ENTPD5: variants seen among roughly 807,000 people sequenced by gnomAD.
ENTPD5 encodes nucleoside diphosphate phosphatase ENTPD5.
Under a neutral mutation model 60.2 loss-of-function variants are expected in ENTPD5, and 49 were observed. The ratio of observed to expected loss-of-function variants is 0.81; its 90% CI spans 0.65 to 1.03. The LOEUF (loss-of-function observed/expected upper bound fraction) is 1.03, where lower values mean the gene tolerates loss of function less well. Among genes scored for constraint, ENTPD5 ranks in the 50% least tolerant of loss-of-function variants. The pLI is 0.00. For synonymous variants in ENTPD5, 187 were observed against 185.4 expected (o/e 1.01, Z -0.07); for missense variants, 480 against 507.6 (o/e 0.95, Z 0.52).
At chr14:73,996,164 T>G in intron 3 of ENTPD5, 1 of 985,366 alleles carries the variant, frequency 1.0e-6, no homozygotes. Context: ...TGCCTTTTGC[T>G]CTTTGCTCCT....
intron 5 of ENTPD5, among the ~76,000 whole-genome samples, chr14:73,983,379 T>C (rs2057770332): frequency 6.6e-6 from 1 of 152,026 alleles, no homozygotes; most frequent in African/African-American, 2.4e-5. Context: ...TCCCAGAACT[T>C]TGGGAGGCCA....
At chr14:74,015,097 A>T (rs2058975146) in intron 2 of ENTPD5, among the ~76,000 whole-genome samples, 1 of 151,222 alleles carries the variant, frequency 6.6e-6, no homozygotes, top group Non-Finnish European at 1.5e-5. Context: ...AAAAAAAAAG[A>T]AAGTAACTCC....
chr14:73,997,021 AC>A (rs2058360927), intron 3 of ENTPD5, among the ~76,000 whole-genome samples: 1 of 152,196 alleles, frequency 6.6e-6, no homozygotes, highest in African/African-American at 2.4e-5. Flanking sequence ...AGAAATGCAC[AC>A]AAAGTGCTCT....
At position 73,988,157 on chromosome 14, in the gene ENTPD5, C is replaced by A; in HGVS notation, c.-55G>T. 1 of 1,553,166 alleles carries A rather than the reference C, an allele frequency of 6.4e-7. No individual in the cohort carries two copies. The highest frequency in any genetic ancestry group is 1.2e-5 in the South Asian group (1 of 83,844). On this transcript the variant is annotated 5_prime_UTR_variant, in exon 4 of 16. Coordinates refer to ENST00000334696, the MANE Select transcript of ENTPD5 (RefSeq NM_001249.5). Reference sequence around the variant, plus strand: ...CTTTTGTTGCAGAAGCAATCCTGCTCGCACACCTGCAGAGGCTTATAGGAC... The same window carrying A: ...CTTTTGTTGCAGAAGCAATCCTGCTAGCACACCTGCAGAGGCTTATAGGAC...
At chr14:73,968,135 G>C (rs1382597113) in intron 15 of ENTPD5, among the ~76,000 whole-genome samples, 4 of 151,732 alleles carry the variant, frequency 2.6e-5, no homozygotes, top group African/African-American at 9.7e-5. Context: ...AAAAGAAAAA[G>C]AAAAGAAAAA....
chr14:74,018,418 G>C (rs2059127208), intron 1 of ENTPD5: 1 of 152,126 alleles, frequency 6.6e-6, no homozygotes, highest in South Asian at 2.1e-4. Context: ...GTATAACAGA[G>C]CAGAGCTTCA....
At chr14:73,974,559 C>G (rs914040096) in intron 11 of ENTPD5, among the ~76,000 whole-genome samples, 1 of 152,160 alleles carries the variant, frequency 6.6e-6, no homozygotes, top group South Asian at 2.1e-4. Context: ...CTCTGTTGTT[C>G]CACCTGCATG....
At chr14:73,962,024 T>C (rs1428525759), downstream of ENTPD5, 2 of 1,132,286 alleles carry the variant, frequency 1.8e-6, no homozygotes, top group Non-Finnish European at 2.6e-6. Context: ...TTCCACTCAC[T>C]GCAGCCTCTG....
chr14:74,012,417 C>T (rs1347453296), intron 2 of ENTPD5, among the ~76,000 whole-genome samples: 1 of 152,106 alleles, frequency 6.6e-6, no homozygotes, highest in African/African-American at 2.4e-5. Context: ...GGGACTCATT[C>T]ATCTTTGAAC....
At chr14:73,961,631 C>T, downstream of ENTPD5, 2 of 1,601,062 alleles carry the variant, frequency 1.2e-6, no homozygotes, top group Non-Finnish European at 1.7e-6. Context: ...AAGATCAGGG[C>T]CCACAGTAGC....
intron 4 of ENTPD5, 143 bp from the exon 5 acceptor site, chr14:73,987,036 G>GC: frequency 2.7e-6 from 2 of 735,948 alleles, no homozygotes; most frequent in East Asian, 5.3e-5. Flanking sequence ...GGAATGTCTT[G>GC]CAGGAGTACT....
downstream of ENTPD5, chr14:73,960,767 C>A: frequency 2.4e-6 from 1 of 413,216 alleles, no homozygotes; most frequent in Non-Finnish European, 4.1e-6. Flanking sequence ...CAGAGAAAGA[C>A]TGGAGGAGTT....
Position 73,964,431 on chromosome 14 carries a change from T to C in ENTPD5, c.*2497A>G. ...TTGGTTACTTCTCCAGAAGGTCTAA[T>C]CAAGGTTAACAAAATAGGTAAGTTC... is the stretch of plus-strand genomic sequence containing the variant. On this transcript the variant is annotated 3_prime_UTR_variant, in exon 16 of 16. Coordinates refer to ENST00000334696, the MANE Select transcript of ENTPD5 (RefSeq NM_001249.5). The C allele has an allele frequency of 6.6e-6, 1 of 152,212 alleles. No homozygotes were observed. The highest frequency in any genetic ancestry group is 1.5e-5 in the Non-Finnish European group (1 of 68,054). The allele number at this position is 152,212 out of a possible 1,614,324, so 9.4% of individuals were successfully genotyped here. A position where few individuals can be genotyped will look rare whatever the true frequency, so the allele number is the denominator to read the frequency against.
At chr14:73,975,892 A>G in intron 10 of ENTPD5, 44 bp downstream of exon 10, 1 of 1,448,570 alleles carries the variant, frequency 6.9e-7, no homozygotes, top group Middle Eastern at 1.8e-4. Context: ...AGTTAGGAGA[A>G]TCATACAACA....
chr14:73,999,580 G>A (rs2058442687), intron 3 of ENTPD5, among the ~76,000 whole-genome samples: 1 of 151,980 alleles, frequency 6.6e-6, no homozygotes, highest in Non-Finnish European at 1.5e-5. Flanking sequence ...CGGATCATGA[G>A]GTCAGGAGTT....
intron 6 of ENTPD5, among the ~76,000 whole-genome samples, chr14:73,981,507 T>C (rs2140563924): frequency 6.8e-6 from 1 of 147,198 alleles, no homozygotes; most frequent in South Asian, 2.1e-4. Context: ...TATATATATA[T>C]ATGACTTCAC....
chr14:73,955,524 T>C (rs747388886), downstream of ENTPD5: 14 of 1,612,816 alleles, frequency 8.7e-6, no homozygotes, highest in Non-Finnish European at 1.2e-5. Context: ...CCCTTTATCT[T>C]TTCAATTTTG....
downstream of ENTPD5, among the ~76,000 whole-genome samples, chr14:73,957,147 G>C (rs961830927): frequency 2.0e-5 from 3 of 151,612 alleles, no homozygotes; most frequent in African/African-American, 7.3e-5. Context: ...GCCCAGGCTG[G>C]AGTGCAGTGG....
chr14:74,002,904 AG>A (rs1034055779), intron 3 of ENTPD5, among the ~76,000 whole-genome samples: 1 of 152,074 alleles, frequency 6.6e-6, no homozygotes, highest in Non-Finnish European at 1.5e-5. Context: ...ATCTACTAAT[AG>A]TTTTCACCTT....
Sources: allele counts gnomAD v4.1 joint callset (sites outside exome capture counted in the v4.1 genomes callset), GRCh38; gene constraint gnomAD v4.1.1; transcripts MANE v1.5; gene names NCBI Gene and HGNC (gene_info 2026-07-23, HGNC 2026-07-21).